Variants in GUCY1A2 observed in about 807,000 individuals in gnomAD.
GUCY1A2 encodes guanylate cyclase soluble subunit alpha-2.
A neutral mutation model predicts 63.5 loss-of-function variants in GUCY1A2; 27 were observed. The ratio of observed to expected loss-of-function variants is 0.43; its 90% CI spans 0.31 to 0.59. GUCY1A2 has a LOEUF of 0.59. GUCY1A2 is among the 20% of genes least tolerant of loss of function. The pLI, the probability that GUCY1A2 is intolerant of heterozygous loss-of-function variation, is 0.11. For synonymous variants in GUCY1A2, 364 were observed against 343.5 expected (o/e 1.06, Z -0.66); for missense variants, 768 against 913.3 (o/e 0.84, Z 2.05).
At chr11:106,722,440 C>T (rs1019338793) in intron 6 of GUCY1A2, among the ~76,000 whole-genome samples, 1 of 151,978 alleles carries the variant, frequency 6.6e-6, no homozygotes, top group African/African-American at 2.4e-5. Context: ...AAAATCACTA[C>T]TGAAAATTCA....
chr11:106,878,312 A>G lies in GUCY1A2; in HGVS notation c.1206+61148T>C, dbSNP rs11211957. On this transcript the variant is annotated intron_variant, in intron 4 of 7. Coordinates refer to ENST00000526355, the MANE Select transcript of GUCY1A2 (RefSeq NM_000855.3). ...CCAAAGGAATACAAATTGTTCTGTC[A>G]TAAGGACACAAGGAACATCTATGTT... Among the ~76,000 whole-genome samples the G allele has an allele frequency of 9.3e-3, 1,409 of 152,214 alleles. 17 individuals carry two copies. Among genetic ancestry groups the G allele is most frequent in the African/African-American group, 0.032 (1,310 of 41,554 alleles).
chr11:106,873,967 T>C (rs1353996043), intron 4 of GUCY1A2, among the ~76,000 whole-genome samples: 1 of 152,178 alleles, frequency 6.6e-6, no homozygotes, highest in Non-Finnish European at 1.5e-5. Context: ...TTTCTAAGCT[T>C]CATGTTCAAA....
chr11:106,990,393 C>T (rs942213661), intron 1 of GUCY1A2, among the ~76,000 whole-genome samples: 1 of 152,224 alleles, frequency 6.6e-6, no homozygotes, highest in Admixed American at 6.5e-5. Context: ...TCCGAACAGC[C>T]AACCACGAAA....
chr11:106,934,522 AG>A (rs1391948059), intron 4 of GUCY1A2, among the ~76,000 whole-genome samples: 3 of 152,204 alleles, frequency 2.0e-5, no homozygotes, highest in Non-Finnish European at 4.4e-5. Flanking sequence ...CCTCAGAAAA[AG>A]GTGGGCAACT....
chr11:106,818,953 G>A (rs1055635254), intron 4 of GUCY1A2, among the ~76,000 whole-genome samples: 3 of 152,084 alleles, frequency 2.0e-5, no homozygotes, highest in African/African-American at 4.8e-5. Context: ...GAAGGTAGCA[G>A]AGGATGGTTC....
chr11:106,774,471 C>A (rs1864320114), intron 6 of GUCY1A2, among the ~76,000 whole-genome samples: 1 of 152,042 alleles, frequency 6.6e-6, no homozygotes, highest in East Asian at 1.9e-4. Flanking sequence ...TTCTCTGATG[C>A]CCTGCAGTCT....
chr11:106,929,478 G>C (rs1455238958), intron 4 of GUCY1A2, among the ~76,000 whole-genome samples: 2 of 152,036 alleles, frequency 1.3e-5, no homozygotes, highest in African/African-American at 2.4e-5. Context: ...TACTTTTTAA[G>C]GTTAAACCAT....
rs1687168478 is a variant in GUCY1A2, at chr11:106,681,437, A to T, written c.*6112T>A. On this transcript the variant is annotated 3_prime_UTR_variant, in exon 8 of 8. Coordinates refer to ENST00000526355, the MANE Select transcript of GUCY1A2 (RefSeq NM_000855.3). ...TCCTTAACTTCTTCCTTACTATTAT[A>T]TACTACAAAGATCCAAAAATTGGGC... 4.5e-6 allele frequency: 1 copy of T among 223,440 alleles called. No homozygotes were observed. Among genetic ancestry groups the T allele is most frequent in the Non-Finnish European group, 8.9e-6 (1 of 111,872 alleles). The allele number at this position is 223,440 out of a possible 1,614,324, so 13.8% of individuals were successfully genotyped here. A position where few individuals can be genotyped will look rare whatever the true frequency, so the allele number is the denominator to read the frequency against.
rs564955677 is a variant in GUCY1A2 at position 106,747,284 on chromosome 11, G to A, written c.1836+29155C>T. On this transcript the variant is annotated intron_variant, in intron 6 of 7. Coordinates refer to ENST00000526355, the MANE Select transcript of GUCY1A2 (RefSeq NM_000855.3). ...ATTACAGGCGTAAGCCACCGCGCCC[G>A]GCCCATGAAATAATAAATGTGAGAA... Among the ~76,000 whole-genome samples the A allele has an allele frequency of 4.1e-5, 6 of 146,464 alleles. No homozygotes were observed. In the South Asian group the frequency reaches 1.1e-3, roughly 27 times the overall value.
intron 7 of GUCY1A2, among the ~76,000 whole-genome samples, chr11:106,691,714 A>G (rs2135336368): frequency 6.6e-6 from 1 of 152,336 alleles, no homozygotes; most frequent in Middle Eastern, 3.4e-3. Context: ...TTTGCTAGAA[A>G]TTACAGAGAC....
intron 3 of GUCY1A2, among the ~76,000 whole-genome samples, chr11:106,957,689 A>T (rs751385910): frequency 5.8e-4 from 88 of 151,340 alleles, no homozygotes; most frequent in Admixed American, 1.4e-3. Flanking sequence ...TTTTTTTTCC[A>T]GTGGGAGCCT....
chr11:106,745,534 A>G (rs918380274), intron 6 of GUCY1A2, among the ~76,000 whole-genome samples: 1 of 152,232 alleles, frequency 6.6e-6, no homozygotes, highest in Non-Finnish European at 1.5e-5. Flanking sequence ...TGAGATTTTA[A>G]TATTCAAATA....
At chr11:106,849,535 G>A (rs552839527) in intron 4 of GUCY1A2, among the ~76,000 whole-genome samples, 1 of 151,524 alleles carries the variant, frequency 6.6e-6, no homozygotes, top group South Asian at 2.1e-4. Flanking sequence ...ATTTGATTGA[G>A]TGTATTTCGA....
At position 106,687,635 on chromosome 11, in the gene GUCY1A2, G is replaced by A. The variant is rs1862550605; in HGVS notation, c.2113C>T (p.Pro705Ser). ...YFLEVRTGPK[P>S]PKPSLSSSRI... ...GACGAAGAAAGAGAAGGCTTTGGTGGCTTTGGACCAGTCCTTACCTCCAGG... is the reference window on the plus strand; with the variant it reads ...GACGAAGAAAGAGAAGGCTTTGGTGACTTTGGACCAGTCCTTACCTCCAGG... Residue 705 changes from proline to serine, a missense_variant, in exon 8 of 8, where the codon CCA becomes TCA. Pro to Ser is a moderately conservative substitution (Grantham distance 74). Coordinates refer to ENST00000526355, the MANE Select transcript of GUCY1A2 (RefSeq NM_000855.3). The A allele has an allele frequency of 6.2e-7, 1 of 1,613,898 alleles. No individual in the cohort carries two copies. Among genetic ancestry groups the A allele is most frequent in the Admixed American group, 1.7e-5 (1 of 60,006 alleles).
intron 4 of GUCY1A2, among the ~76,000 whole-genome samples, chr11:106,890,117 A>G: frequency 6.6e-6 from 1 of 152,114 alleles, no homozygotes; most frequent in East Asian, 1.9e-4. Context: ...AGTAGTAATA[A>G]ATTGTTATCT....
intron 7 of GUCY1A2, among the ~76,000 whole-genome samples, chr11:106,689,099 C>G (rs1434522500): frequency 1.3e-5 from 2 of 152,000 alleles, no homozygotes; most frequent in African/African-American, 4.8e-5. Context: ...AAACAATGAG[C>G]ACAAGAAGAA....
intron 4 of GUCY1A2, among the ~76,000 whole-genome samples, chr11:106,924,919 T>C (rs1428730432): frequency 2.6e-5 from 4 of 151,868 alleles, no homozygotes; most frequent in Non-Finnish European, 5.9e-5. Context: ...GTGGGAGAAA[T>C]CACCTGAGGC....
At chr11:106,800,075 A>C (rs1252284507) in intron 5 of GUCY1A2, among the ~76,000 whole-genome samples, 3 of 152,246 alleles carry the variant, frequency 2.0e-5, no homozygotes, top group Admixed American at 6.5e-5. Context: ...CAAGTGGGCG[A>C]AGGATATGAA....
intron 6 of GUCY1A2, among the ~76,000 whole-genome samples, chr11:106,763,472 A>G (rs1392040996): frequency 6.6e-6 from 1 of 152,134 alleles, no homozygotes; most frequent in Non-Finnish European, 1.5e-5. Flanking sequence ...TCCCTCCATA[A>G]CTGTACCTTT....
Sources: gnomAD v4.1 joint callset for allele counts (sites outside exome capture counted in the v4.1 genomes callset) on GRCh38, gnomAD v4.1.1 for gene constraint, MANE v1.5 for transcripts, NCBI Gene and HGNC (gene_info 2026-07-23, HGNC 2026-07-21) for gene names.